The following MDGA2 variants were observed in gnomAD, a reference collection of about 807,000 sequenced individuals.
MDGA2 encodes the protein MAM domain containing glycosylphosphatidylinositol anchor 2.
MDGA2 carries 40 observed loss-of-function variants against 117.8 expected under a neutral mutation model. That is an observed-to-expected ratio of 0.34 (90% CI 0.26 to 0.44). MDGA2 has a LOEUF of 0.44. Among genes scored for constraint, MDGA2 ranks in the 20% least tolerant of loss-of-function variants. The pLI, the probability that MDGA2 is intolerant of heterozygous loss-of-function variation, is 1.00. For synonymous variants in MDGA2, 452 were observed against 439.0 expected, an observed-to-expected ratio of 1.03 and a Z score of -0.37; for missense variants, 1,123 against 1,250.6, an observed-to-expected ratio of 0.90 and a Z score of 1.54.
rs1880816684 is a variant in MDGA2, at chr14:46,845,845, A to G, written c.2910T>C (p.Pro970=). The G allele has an allele frequency of 1.9e-6, 3 of 1,613,230 alleles. No homozygotes were observed. Among genetic ancestry groups the G allele is most frequent in the African/African-American group, 1.3e-5 (1 of 74,900 alleles). Residue 970 remains proline (P), a synonymous_variant, in exon 16 of 17, where the codon CCT becomes CCC. Transcript: ENST00000399232. ...CAATAGCAATGTCACCTTCTATTCC[A>G]GGACCTCGGATACCTTCAAAAATGA... ...FQLIFEGIRG[P]GIEGDIAIDD...
At chr14:47,490,970 A>T (rs573857252) in intron 1 of MDGA2, among the ~76,000 whole-genome samples, 2 of 152,248 alleles carry the variant, frequency 1.3e-5, no homozygotes, top group Non-Finnish European at 2.9e-5. Context: ...ATTGCTGTCG[A>T]AAGTCCTCTT....
chr14:47,425,259 T>C (rs1594850649), intron 1 of MDGA2, among the ~76,000 whole-genome samples: 1 of 152,326 alleles, frequency 6.6e-6, no homozygotes, highest in Non-Finnish European at 1.5e-5. Flanking sequence ...TTTGGAGATA[T>C]TCATTTTTAG....
chr14:47,632,727 G>A (rs1897261768), intron 1 of MDGA2, among the ~76,000 whole-genome samples: 1 of 151,994 alleles, frequency 6.6e-6, no homozygotes, highest in Admixed American at 6.6e-5. Context: ...TGTCTTCTAA[G>A]ACTTGGCATA....
chr14:47,195,482 C>T (rs549953668), intron 3 of MDGA2, among the ~76,000 whole-genome samples: 2 of 151,962 alleles, frequency 1.3e-5, no homozygotes, highest in Admixed American at 1.3e-4. Context: ...TTTATTGGGC[C>T]ATGGGAAAAT....
At chr14:47,656,917 G>A (rs766633271) in intron 1 of MDGA2, among the ~76,000 whole-genome samples, 14 of 152,086 alleles carry the variant, frequency 9.2e-5, no homozygotes, top group Non-Finnish European at 1.8e-4. Context: ...AGAGCGTCAC[G>A]GAATCGATGC....
intron 1 of MDGA2, among the ~76,000 whole-genome samples, chr14:47,601,393 ATT>A (rs201431056): frequency 2.6e-5 from 4 of 151,992 alleles, no homozygotes; most frequent in African/African-American, 9.7e-5. Context: ...TTAGAAGCAA[ATT>A]TTTTTAAAAA....
At chr14:47,459,775 T>A (rs1414069228) in intron 1 of MDGA2, among the ~76,000 whole-genome samples, 2 of 152,176 alleles carry the variant, frequency 1.3e-5, no homozygotes, top group Non-Finnish European at 2.9e-5. Flanking sequence ...AAAATTGTTA[T>A]GGAATTAATA....
chr14:46,897,140 C>T (rs938073525), intron 10 of MDGA2, among the ~76,000 whole-genome samples: 5 of 151,764 alleles, frequency 3.3e-5, no homozygotes, highest in Non-Finnish European at 7.4e-5. Context: ...ATGTGATATC[C>T]GTATTTATTC....
intron 1 of MDGA2, among the ~76,000 whole-genome samples, chr14:47,660,189 T>A (rs925084326): frequency 2.0e-5 from 3 of 152,178 alleles, no homozygotes; most frequent in Non-Finnish European, 4.4e-5. Flanking sequence ...AGAGTTAAAG[T>A]TCTAAAGACT....
At chr14:46,877,658 T>G in intron 11 of MDGA2, 149 bp from the exon 12 acceptor site, 1 of 512,722 alleles carries the variant, frequency 2.0e-6, no homozygotes, top group Non-Finnish European at 3.5e-6. Flanking sequence ...GATTTATATC[T>G]GCAATCCATT....
chr14:47,380,098 T>C (rs906367104), intron 1 of MDGA2, among the ~76,000 whole-genome samples: 12 of 152,116 alleles, frequency 7.9e-5, no homozygotes, highest in Non-Finnish European at 1.6e-4. Context: ...ACATGGAAAC[T>C]GAACAACCTA....
At chr14:47,061,780 T>G (rs1440250974) in intron 6 of MDGA2, among the ~76,000 whole-genome samples, 2 of 152,008 alleles carry the variant, frequency 1.3e-5, no homozygotes, top group African/African-American at 4.8e-5. Flanking sequence ...CTAAGTCAAT[T>G]AAAGACTGTG....
chr14:46,854,727 A>G (rs190868513), intron 15 of MDGA2, among the ~76,000 whole-genome samples: 1 of 151,892 alleles, frequency 6.6e-6, no homozygotes, highest in African/African-American at 2.4e-5. Flanking sequence ...TTTTTCAGGG[A>G]GTAAAATATA....
chr14:47,146,093 T>C (rs879174578), intron 3 of MDGA2, among the ~76,000 whole-genome samples: 1 of 152,138 alleles, frequency 6.6e-6, no homozygotes, highest in Admixed American at 6.6e-5. Context: ...AAAGACATTG[T>C]TCCTTAGAAA....
At chr14:47,144,306 G>C in intron 3 of MDGA2, 32 bp from the exon 4 acceptor site, 1 of 1,492,488 alleles carries the variant, frequency 6.7e-7, no homozygotes, top group Non-Finnish European at 9.1e-7. Context: ...AAATGGCAAT[G>C]TTATGAGATA....
chr14:47,627,556 G>A (rs1010768110), intron 1 of MDGA2, among the ~76,000 whole-genome samples: 4 of 152,158 alleles, frequency 2.6e-5, no homozygotes, highest in Admixed American at 2.0e-4. Context: ...GAACTTTTGT[G>A]CCTAGCTCAG....
At chr14:47,086,363 A>G (rs1268926876) in intron 6 of MDGA2, among the ~76,000 whole-genome samples, 1 of 152,086 alleles carries the variant, frequency 6.6e-6, no homozygotes, top group Non-Finnish European at 1.5e-5. Context: ...TCTATTTAGA[A>G]ATCATTGGAA....
intron 6 of MDGA2, among the ~76,000 whole-genome samples, chr14:47,072,441 T>C (rs796072722): frequency 1.3e-5 from 2 of 152,286 alleles, no homozygotes; most frequent in African/African-American, 4.8e-5. Context: ...ACAATGACTA[T>C]TATGTTGGAG....
Position 46,866,703 on chromosome 14 carries a change from A to C in MDGA2, c.2752+6730T>G, listed in dbSNP as rs868301716. Among the ~76,000 whole-genome samples the C allele has an allele frequency of 3.7e-3, 560 of 151,902 alleles. 5 individuals carry two copies. The highest frequency in any genetic ancestry group is 0.012 in the African/African-American group (516 of 41,510). On this transcript the variant is annotated intron_variant, in intron 14 of 16. Coordinates refer to ENST00000399232, the MANE Select transcript of MDGA2 (RefSeq NM_001113498.3). ...CTCAAACAAATTTACAAGAAAAAAAAAAACAACCCCATCAGAAAGTGGGCG... is the reference window on the plus strand; with the variant it reads ...CTCAAACAAATTTACAAGAAAAAAACAAACAACCCCATCAGAAAGTGGGCG...
Sources: allele counts gnomAD v4.1 joint callset (sites outside exome capture counted in the v4.1 genomes callset), GRCh38; gene constraint gnomAD v4.1.1; transcripts MANE v1.5; gene names NCBI Gene and HGNC (gene_info 2026-07-23, HGNC 2026-07-21).